Variants in BLOC1S3 observed in about 807,000 individuals in gnomAD.
BLOC1S3 encodes the protein biogenesis of lysosome-related organelles complex 1 subunit 3.
BLOC1S3 carries 7 observed loss-of-function variants against 9.1 expected under a neutral mutation model. The observed-to-expected ratio is 0.77, with a 90% CI of 0.44 to 1.45. The LOEUF is 1.45. Among genes scored for constraint, BLOC1S3 ranks in the 40% most tolerant of loss-of-function variants. BLOC1S3 has a pLI of 0.01. For synonymous variants in BLOC1S3, 145 were observed against 158.4 expected, an observed-to-expected ratio of 0.92 and a Z score of 0.64; for missense variants, 307 against 315.2, an observed-to-expected ratio of 0.97 and a Z score of 0.20.
At chr19:45,208,654 C>A (rs1772478969) in intron 3 of BLOC1S3, among the ~76,000 whole-genome samples, 1 of 151,732 alleles carries the variant, frequency 6.6e-6, no homozygotes, top group Non-Finnish European at 1.5e-5. Context: ...ACTTGGGAGG[C>A]TGAGGCAGGA....
Position 45,210,289 on chromosome 19 carries a change from CTTTTTTTTTTTTTTT to C in BLOC1S3, n.283-6373_283-6359del, listed in dbSNP as rs71173125. On this transcript the variant is annotated intron_variant and non_coding_transcript_variant, in intron 3 of 3. Transcript: ENST00000591569. Reference sequence around the variant, plus strand: ...ATATACATAAAATTTACTATTTTAACTTTTTTTTTTTTTTTTTTTTTTTTTTTTGAGATGGAGTCT... The same window carrying C: ...ATATACATAAAATTTACTATTTTAACTTTTTTTTTTTTTGAGATGGAGTCT... 3.4e-3 allele frequency among the ~76,000 whole-genome samples: 251 copies of C among 74,446 alleles called. 1 individual carries two copies. Among genetic ancestry groups the C allele is most frequent in the African/African-American group, 0.013 (241 of 18,720 alleles). The allele number at this position is 74,446 out of a possible 152,430, so 48.8% of individuals were successfully genotyped here.
chr19:45,216,029 C>G, intron 3 of BLOC1S3: 1 of 1,606,990 alleles, frequency 6.2e-7, no homozygotes. Context: ...GCCAGGAGAC[C>G]TCGGCCAGGC....
At chr19:45,212,960 T>C (rs1049193330) in intron 3 of BLOC1S3, 6 of 1,257,904 alleles carry the variant, frequency 4.8e-6, no homozygotes, top group Non-Finnish European at 6.2e-6. Context: ...AGGGTCTTTC[T>C]ATCCCAGGGG....
At chr19:45,185,341 G>T (rs773984361), downstream of BLOC1S3, among the ~76,000 whole-genome samples, 3 of 152,166 alleles carry the variant, frequency 2.0e-5, no homozygotes, top group Non-Finnish European at 4.4e-5. Flanking sequence ...TTTGTTGAAT[G>T]AATGAATGGC....
intron 3 of BLOC1S3, chr19:45,216,280 T>G: frequency 1.1e-5 from 17 of 1,513,076 alleles, no homozygotes; most frequent in Non-Finnish European, 1.3e-5. Flanking sequence ...ATACCATCTC[T>G]AAAATGTAGC....
chr19:45,184,139 C>T (rs575602837), downstream of BLOC1S3, among the ~76,000 whole-genome samples: 39 of 152,124 alleles, frequency 2.6e-4, no homozygotes, highest in Middle Eastern at 0.014. Context: ...TCCTTTCTTT[C>T]GGTGGGGTCT....
At chr19:45,183,951 A>G (rs1461787089), downstream of BLOC1S3, among the ~76,000 whole-genome samples, 1 of 151,940 alleles carries the variant, frequency 6.6e-6, no homozygotes, top group African/African-American at 2.4e-5. Flanking sequence ...TCCCTTTTCA[A>G]TGAGTTTAGC....
intron 2 of BLOC1S3, among the ~76,000 whole-genome samples, chr19:45,195,448 C>T (rs1186266567): frequency 6.6e-6 from 1 of 152,050 alleles, no homozygotes; most frequent in African/African-American, 2.4e-5. Context: ...CTCAAGTGAT[C>T]CGCCCACTTT....
At chr19:45,196,322 G>C (rs1052995356) in intron 2 of BLOC1S3, among the ~76,000 whole-genome samples, 5 of 152,158 alleles carry the variant, frequency 3.3e-5, no homozygotes, top group Non-Finnish European at 5.9e-5. Context: ...AGGTTGCAGT[G>C]AGCTGAGATC....
At chr19:45,208,438 C>A (rs928584404) in intron 3 of BLOC1S3, among the ~76,000 whole-genome samples, 1 of 151,554 alleles carries the variant, frequency 6.6e-6, no homozygotes. Context: ...AAAACGCTGT[C>A]TCTGCTAAAA....
chr19:45,215,069 C>T (rs1210379280), intron 3 of BLOC1S3, among the ~76,000 whole-genome samples: 1 of 151,930 alleles, frequency 6.6e-6, no homozygotes, highest in African/African-American at 2.4e-5. Flanking sequence ...TCTCTTGAAC[C>T]CGGGAGGCAG....
chr19:45,200,210 C>T (rs1159731411), intron 2 of BLOC1S3, among the ~76,000 whole-genome samples: 4 of 135,262 alleles, frequency 3.0e-5, no homozygotes, highest in African/African-American at 1.1e-4. Context: ...GAGACGGAGT[C>T]TCGCTGTGTC....
intron 2 of BLOC1S3, among the ~76,000 whole-genome samples, chr19:45,190,714 ATCAATTATCTGTCTGAAAGG>A (rs939870330): frequency 7.9e-5 from 12 of 151,222 alleles, no homozygotes; most frequent in African/African-American, 2.9e-4. Context: ...AGAACAGCTA[ATCAATTATCTGTCTGAAAGG>A]TCACGTATCT....
At chr19:45,205,979 G>A (rs1049675816) in intron 3 of BLOC1S3, among the ~76,000 whole-genome samples, 1 of 152,270 alleles carries the variant, frequency 6.6e-6, no homozygotes, top group East Asian at 1.9e-4. Context: ...GTGGAGAAAA[G>A]AGGCAGAGTG....
downstream of BLOC1S3, among the ~76,000 whole-genome samples, chr19:45,184,426 C>T (rs558823340): frequency 1.8e-4 from 27 of 152,042 alleles, no homozygotes; most frequent in Non-Finnish European, 2.1e-4. Context: ...GGCAATATAG[C>T]GAGACCCCAT....
chr19:45,199,621 T>C (rs1294013033), intron 2 of BLOC1S3, among the ~76,000 whole-genome samples: 3 of 151,472 alleles, frequency 2.0e-5, no homozygotes, highest in African/African-American at 7.3e-5. Flanking sequence ...GCCTTTATTC[T>C]TTTTTATTTT....
At chr19:45,197,150 T>C (rs1406290324) in intron 2 of BLOC1S3, among the ~76,000 whole-genome samples, 2 of 151,922 alleles carry the variant, frequency 1.3e-5, no homozygotes, top group Non-Finnish European at 2.9e-5. Context: ...ATCGTGCCAC[T>C]GCACTCCAGC....
At chr19:45,208,033 G>A (rs1034905208) in intron 3 of BLOC1S3, among the ~76,000 whole-genome samples, 3 of 150,906 alleles carry the variant, frequency 2.0e-5, no homozygotes, top group Non-Finnish European at 4.4e-5. Context: ...GGAGTGCAGT[G>A]GCGAAATCTT....
chr19:45,203,726 T>G (rs1197675515), intron 3 of BLOC1S3, among the ~76,000 whole-genome samples: 1 of 152,146 alleles, frequency 6.6e-6, no homozygotes, highest in Non-Finnish European at 1.5e-5. Context: ...CCCATGGTGC[T>G]TTCCACTGTA....
Sources: gnomAD v4.1 joint callset for allele counts (sites outside exome capture counted in the v4.1 genomes callset) on GRCh38, gnomAD v4.1.1 for gene constraint, MANE v1.5 for transcripts, NCBI Gene and HGNC (gene_info 2026-07-23, HGNC 2026-07-21) for gene names.